Variants in RHCE observed in about 807,000 individuals in gnomAD.
RHCE encodes Rh blood group CcEe antigens, also known as blood group Rh(CE) polypeptide.
Under a neutral mutation model 43.8 loss-of-function variants are expected in RHCE, and 22 were observed. The ratio of observed to expected loss-of-function variants is 0.50; its 90% CI spans 0.36 to 0.72. RHCE has a LOEUF of 0.72. RHCE is among the 30% of genes least tolerant of loss of function. The pLI is 0.00. For missense variants in RHCE, 385 were observed against 525.4 expected (o/e 0.73, Z 2.61); for synonymous variants, 156 against 210.7 (o/e 0.74, Z 2.25).
chr1:25,369,392 GTCCCT>G (rs1645535684), intron 9 of RHCE, among the ~76,000 whole-genome samples: 1 of 151,640 alleles, frequency 6.6e-6, no homozygotes, highest in African/African-American at 2.4e-5. Flanking sequence ...GACAATACTG[GTCCCT>G]GCTGGTCCAG....
chr1:25,362,249 TA>T lies in RHCE; in HGVS notation c.*277del. 1.5e-6 allele frequency: 1 copy of T among 655,344 alleles called. No homozygotes were observed. Among genetic ancestry groups the T allele is most frequent in the Non-Finnish European group, 2.5e-6 (1 of 395,750 alleles). 40.6% of individuals were successfully genotyped at this position (655,344 alleles called of 1,614,324 possible). ...GAGAAAGAATCTTAAGAATTGTCAA[TA>T]AAATTAACCCAAAACTTTAATAATG... On this transcript the variant is annotated 3_prime_UTR_variant, in exon 10 of 10. Transcript: ENST00000294413.
chr1:25,380,091 C>A (rs544028143), intron 7 of RHCE, among the ~76,000 whole-genome samples: 34 of 145,202 alleles, frequency 2.3e-4, no homozygotes, highest in South Asian at 1.2e-3. Context: ...TGGGAGATTC[C>A]CTCTGGCTGT....
At chr1:25,424,853 G>A (rs529095322), upstream of RHCE, among the ~76,000 whole-genome samples, 2 of 151,660 alleles carry the variant, frequency 1.3e-5, no homozygotes, top group South Asian at 4.2e-4. Flanking sequence ...GGAGTACTCT[G>A]TCACCCAGGC....
upstream of RHCE, among the ~76,000 whole-genome samples, chr1:25,423,352 A>G (rs2042781204): frequency 6.6e-6 from 1 of 152,204 alleles, no homozygotes; most frequent in African/African-American, 2.4e-5. Context: ...ACCCGAGGGC[A>G]CCAGATGTCA....
At chr1:25,417,410 A>T (rs1180354841) in intron 1 of RHCE, among the ~76,000 whole-genome samples, 1 of 152,226 alleles carries the variant, frequency 6.6e-6, no homozygotes, top group Non-Finnish European at 1.5e-5. Flanking sequence ...AAAAACACAG[A>T]TTGGAAGCAG....
chr1:25,413,498 CTACCCGGGCGCCCA>C (rs1557641512), intron 1 of RHCE, among the ~76,000 whole-genome samples: 1 of 152,236 alleles, frequency 6.6e-6, no homozygotes, highest in Non-Finnish European at 1.5e-5. Context: ...AGTGGATGTC[CTACCCGGGCGCCCA>C]TGCCTGGGCC....
chr1:25,426,037 AT>A (rs2042803097), intron 2 of RHCE, among the ~76,000 whole-genome samples: 1 of 152,216 alleles, frequency 6.6e-6, no homozygotes, highest in African/African-American at 2.4e-5. Flanking sequence ...CTGTTTCCTC[AT>A]CTGGAAAGGC....
intron 2 of RHCE, among the ~76,000 whole-genome samples, chr1:25,428,504 G>T (rs1304772401): frequency 6.6e-6 from 1 of 152,198 alleles, no homozygotes; most frequent in East Asian, 1.9e-4. Flanking sequence ...CACAGAGTTT[G>T]TTTTCTTGGC....
intron 1 of RHCE, among the ~76,000 whole-genome samples, chr1:25,417,084 A>G (rs1647584823): frequency 1.3e-5 from 2 of 151,860 alleles, no homozygotes; most frequent in Non-Finnish European, 1.5e-5. Context: ...GTATGAAAGC[A>G]AACCCCAGAT....
chr1:25,388,757 G>A (rs2473367), intron 6 of RHCE, among the ~76,000 whole-genome samples: 8 of 152,180 alleles, frequency 5.3e-5, no homozygotes, highest in African/African-American at 1.7e-4. Context: ...ATTCTCCCCA[G>A]TGCCCAAGCA....
intron 7 of RHCE, among the ~76,000 whole-genome samples, chr1:25,376,779 T>A (rs867030408): frequency 9.2e-5 from 14 of 152,060 alleles, no homozygotes; most frequent in African/African-American, 2.7e-4. Flanking sequence ...CCGGGAGTGG[T>A]GGCAGGTGCC....
At position 25,372,792 on chromosome 1, in the gene RHCE, C is replaced by T. The variant is rs543012706; in HGVS notation, c.1154-2252G>A. 5.9e-5 allele frequency among the ~76,000 whole-genome samples: 9 copies of T among 151,852 alleles called. No homozygotes were observed. In the South Asian group the frequency reaches 1.9e-3, roughly 31 times the overall value. On this transcript the variant is annotated intron_variant, in intron 8 of 9. Transcript: ENST00000294413. ...CTTCTTGAGGAACTTTCTCCCCCTT[C>T]CATTGTCCAAGTTGTTTTGTTTCCT...
intron 1 of RHCE, among the ~76,000 whole-genome samples, chr1:25,410,143 C>T (rs566379766): frequency 7.2e-5 from 11 of 152,106 alleles, no homozygotes; most frequent in African/African-American, 2.7e-4. Context: ...GTGATCTGCC[C>T]ACCTCGGTTT....
chr1:25,413,772 G>A (rs916861448), intron 1 of RHCE, among the ~76,000 whole-genome samples: 16 of 152,162 alleles, frequency 1.1e-4, no homozygotes, highest in Non-Finnish European at 1.9e-4. Context: ...TAGAGAGGGG[G>A]AAAGGGAGGC....
intron 3 of RHCE, among the ~76,000 whole-genome samples, chr1:25,394,746 T>G (rs956709931): frequency 7.9e-5 from 12 of 152,338 alleles, no homozygotes; most frequent in East Asian, 3.9e-4. Context: ...GGAAAGTCTA[T>G]GCAGTTTCCT....
intron 5 of RHCE, 88 bp downstream of exon 5, chr1:25,390,661 C>G (rs1646328786): frequency 6.7e-7 from 1 of 1,482,130 alleles, no homozygotes; most frequent in Non-Finnish European, 9.4e-7. Flanking sequence ...TCTCCCAACC[C>G]ACGCTGGCCC....
At position 25,371,069 on chromosome 1, in the gene RHCE, AT is replaced by A. The variant is rs111897985; in HGVS notation, c.1154-530del. Among the ~76,000 whole-genome samples, 926 of 142,170 alleles carry A rather than the reference AT, an allele frequency of 6.5e-3. 20 individuals carry two copies. Among genetic ancestry groups the A allele is most frequent in the African/African-American group, 0.019 (742 of 38,530 alleles). 93.3% of individuals were successfully genotyped at this position (142,170 alleles called of 152,430 possible). On this transcript the variant is annotated intron_variant, in intron 8 of 9. Coordinates refer to ENST00000294413, the MANE Select transcript of RHCE (RefSeq NM_020485.8). ...CCACACCCGGCCGATTCTGTAAACA[AT>A]TTTTTTTTTTTTGAAAAAAAGAACT...
intron 6 of RHCE, 39 bp downstream of exon 6, chr1:25,388,937 T>C (rs1481600960): frequency 1.9e-6 from 3 of 1,614,228 alleles, no homozygotes. Flanking sequence ...CTGCTGGCCT[T>C]CAGCCAAAGC....
At chr1:25,412,085 C>T (rs556935552) in intron 1 of RHCE, among the ~76,000 whole-genome samples, 12 of 152,294 alleles carry the variant, frequency 7.9e-5, no homozygotes, top group East Asian at 5.8e-4. Context: ...TTATGAAAGC[C>T]CCACAACTTG....
Sources: allele counts gnomAD v4.1 joint callset (sites outside exome capture counted in the v4.1 genomes callset), GRCh38; gene constraint gnomAD v4.1.1; transcripts MANE v1.5; gene names NCBI Gene and HGNC (gene_info 2026-07-23, HGNC 2026-07-21).